ITFG1: variants seen among roughly 807,000 people sequenced by gnomAD.
The protein encoded by ITFG1 is integrin alpha FG-GAP repeat containing 1.
ITFG1 carries 34 observed loss-of-function variants against 81.8 expected under a neutral mutation model. That is an observed-to-expected ratio of 0.42 (90% confidence interval 0.32 to 0.55). The LOEUF (loss-of-function observed/expected upper bound fraction) is 0.55, where lower values mean the gene tolerates loss of function less well. ITFG1 is among the 20% of genes least tolerant of loss of function. The pLI is 0.17. For synonymous variants in ITFG1, 285 were observed against 270.6 expected (o/e 1.05, Z -0.52); for missense variants, 672 against 755.4 (o/e 0.89, Z 1.29).
intron 12 of ITFG1, among the ~76,000 whole-genome samples, chr16:47,251,085 C>A (rs1966068724): frequency 1.3e-5 from 2 of 152,150 alleles, no homozygotes; most frequent in Non-Finnish European, 2.9e-5. Context: ...GAGGATGAAA[C>A]AACACAAAAA....
intron 10 of ITFG1, among the ~76,000 whole-genome samples, chr16:47,307,143 C>T (rs1414937716): frequency 1.9e-5 from 2 of 105,516 alleles, no homozygotes; most frequent in Non-Finnish European, 3.8e-5. Context: ...AAGCCTTTAT[C>T]AAGTCTGATG....
intron 5 of ITFG1, among the ~76,000 whole-genome samples, chr16:47,436,373 T>C (rs1969166906): frequency 6.6e-6 from 1 of 152,144 alleles, no homozygotes. Flanking sequence ...TTAAAAAAAC[T>C]CCCTTTGAAG....
intron 14 of ITFG1, among the ~76,000 whole-genome samples, chr16:47,186,595 T>C (rs1027243634): frequency 3.9e-5 from 6 of 152,188 alleles, no homozygotes; most frequent in African/African-American, 9.7e-5. Context: ...AAATTAGGTA[T>C]TGATGGGACA....
rs574596369 is a variant in ITFG1 at position 47,249,577 on chromosome 16, A to G, written c.1330+9055T>C. ...GATTAAAAAAATATGAAAACAGCCT[A>G]TTCACAAATAAAAAGCAGTAATTAA... On this transcript the variant is annotated intron_variant, in intron 12 of 17. Transcript: ENST00000320640. Among the ~76,000 whole-genome samples the G allele has an allele frequency of 1.2e-3, 179 of 152,330 alleles. 1 individual carries two copies. Among genetic ancestry groups the G allele is most frequent in the Non-Finnish European group, 2.1e-3 (141 of 68,026 alleles).
intron 12 of ITFG1, among the ~76,000 whole-genome samples, chr16:47,248,645 C>T (rs955490182): frequency 6.6e-6 from 1 of 152,152 alleles, no homozygotes; most frequent in African/African-American, 2.4e-5. Context: ...AAAATTTCAT[C>T]ACCTGTGCTT....
chr16:47,220,298 T>C (rs1020441024), intron 13 of ITFG1, among the ~76,000 whole-genome samples: 1 of 152,234 alleles, frequency 6.6e-6, no homozygotes, highest in Non-Finnish European at 1.5e-5. Flanking sequence ...ATTTTCATAA[T>C]AATACTAAGA....
At chr16:47,432,673 T>C (rs1969109762) in intron 5 of ITFG1, among the ~76,000 whole-genome samples, 1 of 152,202 alleles carries the variant, frequency 6.6e-6, no homozygotes. Context: ...AATTGAGAAA[T>C]TGCATTTAGC....
chr16:47,263,868 A>G (rs943392136), intron 10 of ITFG1, among the ~76,000 whole-genome samples: 12 of 152,212 alleles, frequency 7.9e-5, no homozygotes, highest in African/African-American at 1.7e-4. Context: ...ATTGTGAAAC[A>G]TGAGGTTCGT....
intron 6 of ITFG1, among the ~76,000 whole-genome samples, chr16:47,399,993 A>C (rs986173655): frequency 6.6e-6 from 1 of 152,190 alleles, no homozygotes; most frequent in African/African-American, 2.4e-5. Flanking sequence ...TGCTCCAGAT[A>C]CTGTACTGGA....
chr16:47,304,172 G>A (rs193048345), intron 10 of ITFG1, among the ~76,000 whole-genome samples: 3 of 152,268 alleles, frequency 2.0e-5, no homozygotes, highest in Non-Finnish European at 2.9e-5. Flanking sequence ...GTCTACAGTC[G>A]GTAGGAGGTT....
intron 6 of ITFG1, among the ~76,000 whole-genome samples, chr16:47,428,010 T>C (rs1048727378): frequency 5.3e-5 from 8 of 152,198 alleles, no homozygotes; most frequent in African/African-American, 1.9e-4. Flanking sequence ...GGCACATGCT[T>C]GTAGTCCTAG....
chr16:47,434,308 T>A lies in ITFG1; in HGVS notation c.561-5410A>T, dbSNP rs534771172. On this transcript the variant is annotated intron_variant, in intron 5 of 17. Coordinates refer to ENST00000320640, the MANE Select transcript of ITFG1 (RefSeq NM_030790.5). The stretch of plus-strand genomic sequence containing the variant: ...GGATAAAATGTTTGCAATCTATCCA[T>A]CTGACAAAGTTCTAATATCCAGTCT... 2.0e-5 allele frequency among the ~76,000 whole-genome samples: 3 copies of A among 151,746 alleles called. No homozygotes were observed. The South Asian group carries it at 6.2e-4, about 32-fold the overall frequency.
intron 1 of ITFG1, 43 bp from the exon 2 acceptor site, chr16:47,459,218 T>C: frequency 7.2e-6 from 9 of 1,256,168 alleles, no homozygotes; most frequent in Non-Finnish European, 1.1e-5. Flanking sequence ...TGTTTGTTGA[T>C]AAGATATCTA....
In ITFG1 at chr16:47,396,041, A is replaced by G. The variant is rs114676356; in HGVS notation, c.656-20101T>C. 525 of 404,042 alleles carry G rather than the reference A, an allele frequency of 1.3e-3. 4 individuals are homozygous for G. The highest frequency in any genetic ancestry group is 0.011 in the African/African-American group (490 of 46,136). 25.0% of individuals were successfully genotyped at this position (404,042 alleles called of 1,614,324 possible). The stretch of plus-strand genomic sequence containing the variant: ...TATCTGAAGACCCAATTTACATCTA[A>G]TCTGTTATCCAAAGGATATTCCTTT... On this transcript the variant is annotated intron_variant, in intron 6 of 17. Coordinates refer to ENST00000320640, the MANE Select transcript of ITFG1 (RefSeq NM_030790.5).
chr16:47,256,398 C>T (rs1390029452), intron 12 of ITFG1, among the ~76,000 whole-genome samples: 1 of 152,130 alleles, frequency 6.6e-6, no homozygotes, highest in East Asian at 1.9e-4. Flanking sequence ...CTCATTGTTT[C>T]AATTAACTGA....
chr16:47,193,397 A>G (rs1965316830), intron 14 of ITFG1, among the ~76,000 whole-genome samples: 1 of 152,094 alleles, frequency 6.6e-6, no homozygotes. Context: ...CAAAACCTAC[A>G]TTCAAAAGGC....
intron 7 of ITFG1, among the ~76,000 whole-genome samples, chr16:47,367,051 G>A (rs1169165247): frequency 6.6e-6 from 1 of 152,212 alleles, no homozygotes; most frequent in Non-Finnish European, 1.5e-5. Flanking sequence ...CCAGCTTCAA[G>A]TTGGGACTCA....
chr16:47,216,851 C>T (rs1296535270), intron 14 of ITFG1, among the ~76,000 whole-genome samples: 1 of 150,402 alleles, frequency 6.6e-6, no homozygotes, highest in Non-Finnish European at 1.5e-5. Context: ...GGAAATGGGG[C>T]TTTGTCATGT....
chr16:47,437,429 C>T (rs1367021950), intron 5 of ITFG1, among the ~76,000 whole-genome samples: 2 of 149,908 alleles, frequency 1.3e-5, no homozygotes, highest in Non-Finnish European at 2.9e-5. Context: ...GATCGTACCA[C>T]TGCACTTCGG....
Sources: allele counts gnomAD v4.1 joint callset (sites outside exome capture counted in the v4.1 genomes callset), GRCh38; gene constraint gnomAD v4.1.1; transcripts MANE v1.5; gene names NCBI Gene and HGNC (gene_info 2026-07-23, HGNC 2026-07-21).